Variants in TULP3 observed in about 807,000 individuals in gnomAD.
TULP3 encodes the protein TUB like protein 3.
TULP3 carries 38 observed loss-of-function variants against 50.7 expected under a neutral mutation model. The ratio of observed to expected loss-of-function variants is 0.75; its 90% CI spans 0.58 to 0.98. The LOEUF is 0.98. TULP3 is among the 50% of genes least tolerant of loss of function. The pLI, the probability that TULP3 is intolerant of heterozygous loss-of-function variation, is 0.00. For missense variants in TULP3, 550 were observed against 568.0 expected (o/e 0.97, Z 0.32); for synonymous variants, 183 against 196.6 (o/e 0.93, Z 0.58).
intron 4 of TULP3, among the ~76,000 whole-genome samples, chr12:2,929,581 C>T (rs542280330): frequency 6.6e-6 from 1 of 152,164 alleles, no homozygotes; most frequent in Non-Finnish European, 1.5e-5. Context: ...AGCCACTGTG[C>T]CCTGCCTAAA....
intron 2 of TULP3, among the ~76,000 whole-genome samples, chr12:2,910,843 G>A (rs2098185040): frequency 1.3e-5 from 2 of 152,306 alleles, no homozygotes; most frequent in South Asian, 4.1e-4. Context: ...TGCCCGCAGA[G>A]ATCACAGTAA....
chr12:2,936,272 A>C (rs2098201214), intron 8 of TULP3, among the ~76,000 whole-genome samples: 1 of 152,082 alleles, frequency 6.6e-6, no homozygotes, highest in African/African-American at 2.4e-5. Flanking sequence ...GCCATCTCAA[A>C]ATAAAATAAG....
At position 2,902,861 on chromosome 12, in the gene TULP3, G is replaced by C. The variant is rs535890594; in HGVS notation, c.42-6668G>C. On this transcript the variant is annotated intron_variant, in intron 1 of 10. Transcript: ENST00000448120. Reference sequence around the variant, plus strand: ...TTTAGGTGCTAGATTAAAGGGCAATGGGATTTTTTTTTTTTTTTGAGACAG... The same window carrying C: ...TTTAGGTGCTAGATTAAAGGGCAATCGGATTTTTTTTTTTTTTTGAGACAG... 4.6e-4 allele frequency among the ~76,000 whole-genome samples: 63 copies of C among 137,244 alleles called. No individual in the cohort carries two copies. The South Asian group carries it at 5.8e-3, about 13-fold the overall frequency. 90.0% of individuals were successfully genotyped at this position (137,244 alleles called of 152,430 possible). A position where few individuals can be genotyped will look rare whatever the true frequency, so the allele number is the denominator to read the frequency against.
chr12:2,903,568 AAAAAAAAAG>A (rs1310814551), intron 1 of TULP3, among the ~76,000 whole-genome samples: 2 of 151,916 alleles, frequency 1.3e-5, no homozygotes, highest in South Asian at 2.1e-4. Context: ...ATCTCAAAAA[AAAAAAAAAG>A]AAAAAAGAAA....
rs549078707 is a variant in TULP3 at position 2,928,535 on chromosome 12, AAAAT to A, written c.395-1701_395-1698del. ...ACGAGAGCGAAACTCCATCTCAAAAAAAATAAATAAATAAAATAAAAAGAAAATG... is the reference window on the plus strand; with the variant it reads ...ACGAGAGCGAAACTCCATCTCAAAAAAAATAAATAAAATAAAAAGAAAATG... On this transcript the variant is annotated intron_variant, in intron 4 of 10. Transcript: ENST00000448120. Among the ~76,000 whole-genome samples the A allele has an allele frequency of 7.9e-4, 121 of 152,224 alleles. 2 individuals are homozygous for A. In the East Asian group the frequency reaches 0.023, roughly 29 times the overall value.
At chr12:2,938,406 G>A in intron 10 of TULP3, 121 bp downstream of exon 10, 1 of 1,154,370 alleles carries the variant, frequency 8.7e-7, no homozygotes, top group Non-Finnish European at 1.2e-6. Context: ...AGGAGAGACA[G>A]GATTTCTTTG....
chr12:2,923,649 A>G (rs966574506), intron 4 of TULP3, among the ~76,000 whole-genome samples: 7 of 134,066 alleles, frequency 5.2e-5, no homozygotes, highest in Non-Finnish European at 9.5e-5. Flanking sequence ...GAAACTTCTC[A>G]AAAAAAAAAA....
chr12:2,905,856 G>T lies in TULP3; in HGVS notation c.42-3673G>T, dbSNP rs114888991. ...TTTTAGCATGGGTGGGGAATGATTT[G>T]TTTTCCCCCATGCCAGAAGTCATCA... On this transcript the variant is annotated intron_variant, in intron 1 of 10. Transcript: ENST00000448120. 6.8e-3 allele frequency among the ~76,000 whole-genome samples: 1,037 copies of T among 151,522 alleles called. 17 individuals carry two copies. The highest frequency in any genetic ancestry group is 0.023 in the African/African-American group (954 of 41,330).
At chr12:2,893,327 G>GTTGTT (rs1555110456) in intron 1 of TULP3, among the ~76,000 whole-genome samples, 7 of 128,162 alleles carry the variant, frequency 5.5e-5, no homozygotes, top group African/African-American at 2.2e-4. Context: ...TGTTTAATGT[G>GTTGTT]TTTTTTTTTT....
intron 1 of TULP3, among the ~76,000 whole-genome samples, chr12:2,902,655 A>G (rs2098179899): frequency 6.6e-6 from 1 of 152,234 alleles, no homozygotes. Context: ...CTTGAGGGTC[A>G]TTAGTAACAT....
At chr12:2,931,880 G>A (rs1414023973) in intron 6 of TULP3, among the ~76,000 whole-genome samples, 1 of 152,082 alleles carries the variant, frequency 6.6e-6, no homozygotes, top group Non-Finnish European at 1.5e-5. Context: ...TGTAATCCTT[G>A]CAGCCACCTT....
intron 2 of TULP3, among the ~76,000 whole-genome samples, chr12:2,917,068 G>A (rs1278522169): frequency 1.3e-5 from 2 of 152,026 alleles, no homozygotes; most frequent in East Asian, 1.9e-4. Flanking sequence ...ACAAATTCAC[G>A]CTAGTTAAAC....
Position 2,933,455 on chromosome 12 carries a change from A to G in TULP3, c.734A>G (p.Lys245Arg). The G allele has an allele frequency of 1.2e-6, 2 of 1,614,020 alleles. No homozygotes were observed. Among genetic ancestry groups the G allele is most frequent in the Non-Finnish European group, 8.5e-7 (1 of 1,179,990 alleles). Reference sequence around the variant, plus strand: ...GCAGCTAGAAAGCGGAAAAAGAGCAAAACAGCCAACTACCTTATCTCCATT... The same window carrying G: ...GCAGCTAGAAAGCGGAAAAAGAGCAGAACAGCCAACTACCTTATCTCCATT... ...LLAARKRKKS[K>R]TANYLISIDP... The change falls in exon 7 of 11, where the codon AAA (lysine) becomes AGA (arginine). Residue 245 changes from lysine to arginine, a missense_variant. Transcript: ENST00000448120.
In TULP3 at chr12:2,938,286, G is replaced by A. The variant is rs1191704893; in HGVS notation, c.1195+1G>A. 2.5e-6 allele frequency: 4 copies of A among 1,613,536 alleles called. No homozygotes were observed. Among genetic ancestry groups the A allele is most frequent in the African/African-American group, 2.7e-5 (2 of 75,052 alleles). On this transcript the variant is annotated splice_donor_variant, in intron 10 of 10. Transcript: ENST00000448120. LOFTEE classifies it high-confidence loss of function. ...TTCCAGATAGTCCACAAAAATGACC[G>A]TAAGCCTCCAGGAGGGGTTGGGTGG... is the stretch of plus-strand genomic sequence containing the variant.
chr12:2,931,657 G>A (rs956136006), intron 6 of TULP3, among the ~76,000 whole-genome samples: 2 of 152,122 alleles, frequency 1.3e-5, no homozygotes, highest in South Asian at 2.1e-4. Flanking sequence ...TAAATGTCTT[G>A]TTTCTCACCC....
chr12:2,920,823 A>T lies in TULP3; in HGVS notation c.154A>T (p.Asn52Tyr), dbSNP rs146376218. 54 of 1,614,188 alleles carry T rather than the reference A, an allele frequency of 3.3e-5. No individual in the cohort carries two copies. The highest frequency in any genetic ancestry group is 1.1e-5 in the South Asian group (1 of 91,078). The change falls in exon 3 of 11, where the codon AAT becomes TAT. Residue 52 changes from asparagine (N) to tyrosine (Y), a missense_variant. Physicochemically the swap from Asn to Tyr is moderately radical, Grantham distance 143. Coordinates refer to ENST00000448120, the MANE Select transcript of TULP3 (RefSeq NM_003324.5). ...CCTTGAGCCATTTATGGTGCAGCCCAATCCAGAAGCCAGGCTACGTCGGGC... is the reference window on the plus strand; with the variant it reads ...CCTTGAGCCATTTATGGTGCAGCCCTATCCAGAAGCCAGGCTACGTCGGGC... ...KRLEPFMVQP[N>Y]PEARLRRAKP...
intron 1 of TULP3, among the ~76,000 whole-genome samples, chr12:2,891,884 A>T (rs966754641): frequency 1.3e-5 from 2 of 151,884 alleles, no homozygotes; most frequent in African/African-American, 4.8e-5. Context: ...CGAGACCCCC[A>T]TCTCTAGAAA....
At position 2,899,704 on chromosome 12, in the gene TULP3, T is replaced by C. The variant is rs373158822; in HGVS notation, c.41+8716T>C. On this transcript the variant is annotated intron_variant, in intron 1 of 10. Coordinates refer to ENST00000448120, the MANE Select transcript of TULP3 (RefSeq NM_003324.5). The stretch of plus-strand genomic sequence containing the variant: ...GTCAGAAGTTCGAGACCATCCTGGC[T>C]AACACAGTGAAACCCTGTCTCTACT... 2.6e-4 allele frequency among the ~76,000 whole-genome samples: 39 copies of C among 151,936 alleles called. No homozygotes were observed. The East Asian group carries it at 3.7e-3, about 14-fold the overall frequency.
intron 4 of TULP3, among the ~76,000 whole-genome samples, chr12:2,925,504 A>G (rs1416456740): frequency 1.3e-5 from 2 of 152,200 alleles, no homozygotes; most frequent in South Asian, 2.1e-4. Context: ...CTAGGGGAGC[A>G]GGGAAGTAGC....
Sources: allele counts gnomAD v4.1 joint callset (sites outside exome capture counted in the v4.1 genomes callset), GRCh38; gene constraint gnomAD v4.1.1; transcripts MANE v1.5; gene names NCBI Gene and HGNC (gene_info 2026-07-23, HGNC 2026-07-21).